The following ZFAND3 variants were observed in gnomAD, a reference collection of about 807,000 sequenced individuals.
ZFAND3 encodes AN1-type zinc finger protein 3.
ZFAND3 carries 10 observed loss-of-function variants against 29.6 expected under a neutral mutation model. That is an observed-to-expected ratio of 0.34 (90% CI 0.21 to 0.57). ZFAND3 has a LOEUF of 0.57. Ranked by LOEUF, ZFAND3 falls within the 20% of genes least tolerant of loss-of-function variation. The pLI is 0.86. For missense variants in ZFAND3, 230 were observed against 304.5 expected (o/e 0.76, Z 1.82); for synonymous variants, 128 against 112.6 (o/e 1.14, Z -0.87).
chr6:37,921,443 A>G (rs1024820405), intron 1 of ZFAND3, among the ~76,000 whole-genome samples: 1 of 151,810 alleles, frequency 6.6e-6, no homozygotes, highest in African/African-American at 2.4e-5. Context: ...AAAAAAAAAA[A>G]GTTGTTGAGG....
intron 2 of ZFAND3, among the ~76,000 whole-genome samples, chr6:37,931,052 TGGTGATTA>T (rs1257625018): frequency 7.2e-5 from 11 of 152,288 alleles, no homozygotes; most frequent in African/African-American, 2.6e-4. Flanking sequence ...TGGTAAAATA[TGGTGATTA>T]GGCCAGCTGT....
At chr6:37,932,156 C>G (rs1489919676) in intron 2 of ZFAND3, among the ~76,000 whole-genome samples, 1 of 151,998 alleles carries the variant, frequency 6.6e-6, no homozygotes, top group African/African-American at 2.4e-5. Context: ...GTAATCCCAG[C>G]TACTCGGGAG....
chr6:38,031,117 C>A (rs1291898364), intron 2 of ZFAND3, among the ~76,000 whole-genome samples: 1 of 152,156 alleles, frequency 6.6e-6, no homozygotes, highest in Non-Finnish European at 1.5e-5. Flanking sequence ...GGACCCAGGT[C>A]TTTCTGTATC....
chr6:38,063,078 CT>C (rs1286295167), intron 3 of ZFAND3, among the ~76,000 whole-genome samples: 1 of 151,850 alleles, frequency 6.6e-6, no homozygotes. Context: ...GAGACCTGGC[CT>C]TTTTTTTCTT....
At chr6:37,864,738 TACACACAC>T (rs70977698) in intron 1 of ZFAND3, among the ~76,000 whole-genome samples, 2,899 of 148,936 alleles carry the variant, frequency 0.019, 66 homozygotes, top group African/African-American at 0.054. Flanking sequence ...TATGTGGTTA[TACACACAC>T]ACACACACAC....
chr6:37,967,792 T>A lies in ZFAND3; in HGVS notation c.112+37793T>A, dbSNP rs566219467. ...TGCCAACCTCCCATCTTTGACACTA[T>A]TTTCTCCCCTTCATGGATGTCCTGT... On this transcript the variant is annotated intron_variant, in intron 2 of 5. Coordinates refer to ENST00000287218, the MANE Select transcript of ZFAND3 (RefSeq NM_021943.3). Among the ~76,000 whole-genome samples the A allele has an allele frequency of 2.6e-5, 4 of 152,290 alleles. No individual in the cohort carries two copies. The South Asian group carries it at 8.3e-4, about 32-fold the overall frequency.
intron 1 of ZFAND3, among the ~76,000 whole-genome samples, chr6:37,926,463 T>G (rs935404824): frequency 6.6e-6 from 1 of 152,142 alleles, no homozygotes; most frequent in African/African-American, 2.4e-5. Context: ...ATGTGGCTGT[T>G]TACTTTGGGT....
intron 2 of ZFAND3, among the ~76,000 whole-genome samples, chr6:37,931,861 G>A (rs868116858): frequency 6.6e-6 from 1 of 152,158 alleles, no homozygotes; most frequent in Non-Finnish European, 1.5e-5. Context: ...AATTGGGGAA[G>A]CTGACAGCTT....
At chr6:37,997,024 C>G (rs950643693) in intron 2 of ZFAND3, among the ~76,000 whole-genome samples, 3 of 152,136 alleles carry the variant, frequency 2.0e-5, no homozygotes, top group Non-Finnish European at 2.9e-5. Flanking sequence ...CACATGTACT[C>G]TAGAACTTCA....
At chr6:37,839,517 G>A (rs543842594) in intron 1 of ZFAND3, among the ~76,000 whole-genome samples, 1 of 102,028 alleles carries the variant, frequency 9.8e-6, no homozygotes, top group South Asian at 3.0e-4. Flanking sequence ...TGTTGTTGTT[G>A]TTTTGTTTTT....
rs1764870946 is a variant in ZFAND3 at position 38,091,546 on chromosome 6, A to G, written c.361+9089A>G. Among the ~76,000 whole-genome samples the G allele has an allele frequency of 3.1e-5, 4 of 130,776 alleles. No individual in the cohort carries two copies. In the South Asian group the frequency reaches 7.0e-4, roughly 23 times the overall value. The allele number at this position is 130,776 out of a possible 152,430, so 85.8% of individuals were successfully genotyped here. A position where few individuals can be genotyped will look rare whatever the true frequency, so the allele number is the denominator to read the frequency against. ...GGGAGTGCCTTTCAGGTGCTGCTCC[A>G]TAGCATGTGTGTGCCTGTTAGAAGG... On this transcript the variant is annotated intron_variant, in intron 4 of 5. Transcript: ENST00000287218.
chr6:38,153,013 C>A lies in ZFAND3; in HGVS notation c.*624C>A. On this transcript the variant is annotated 3_prime_UTR_variant, in exon 6 of 6. Coordinates refer to ENST00000287218, the MANE Select transcript of ZFAND3 (RefSeq NM_021943.3). ...TTACCTGACTTGCTATGAAAAAACTCATCACACAAGAAGAGAAACAGTAAC... is the reference window on the plus strand; with the variant it reads ...TTACCTGACTTGCTATGAAAAAACTAATCACACAAGAAGAGAAACAGTAAC... The A allele has an allele frequency of 1.0e-6, 1 of 985,884 alleles. No individual in the cohort carries two copies. The highest frequency in any genetic ancestry group is 1.2e-6 in the Non-Finnish European group (1 of 829,978). 61.1% of individuals were successfully genotyped at this position (985,884 alleles called of 1,614,324 possible).
intron 2 of ZFAND3, among the ~76,000 whole-genome samples, chr6:37,974,634 G>A (rs912634003): frequency 6.6e-6 from 1 of 152,182 alleles, no homozygotes; most frequent in East Asian, 1.9e-4. Flanking sequence ...GGGCTCAAGC[G>A]ATTGTCCCAC....
intron 5 of ZFAND3, among the ~76,000 whole-genome samples, chr6:38,121,539 T>C (rs1477877413): frequency 6.6e-6 from 1 of 152,248 alleles, no homozygotes; most frequent in Non-Finnish European, 1.5e-5. Flanking sequence ...CCTTTCTGTT[T>C]TTTTATGATA....
chr6:37,912,030 C>CTGTGTGTGTGTGTGTGTGTG (rs59017250), intron 1 of ZFAND3, among the ~76,000 whole-genome samples: 3 of 139,706 alleles, frequency 2.1e-5, no homozygotes, highest in Non-Finnish European at 3.1e-5. Context: ...AGTCTTTTAT[C>CTGTGTGTGTGTGTGTGTGTG]TGTGTGTGTG....
chr6:37,983,343 C>CTTTTTTTTTTTTTTTTTTTTTT lies in ZFAND3; in HGVS notation c.112+53353_112+53374dup, dbSNP rs70981516. Among the ~76,000 whole-genome samples, 5 of 50,046 alleles carry CTTTTTTTTTTTTTTTTTTTTTT rather than the reference C, an allele frequency of 1.0e-4. 1 individual carries two copies. Among genetic ancestry groups the CTTTTTTTTTTTTTTTTTTTTTT allele is most frequent in the Admixed American group, 3.6e-4 (1 of 2,798 alleles). 32.8% of individuals were successfully genotyped at this position (50,046 alleles called of 152,430 possible). The stretch of plus-strand genomic sequence containing the variant: ...CCTATACAGGTGTACCAGTTTTTAT[C>CTTTTTTTTTTTTTTTTTTTTTT]TTTTTTTTTTTTTTTTTTTTTTTTT... On this transcript the variant is annotated intron_variant, in intron 2 of 5. Transcript: ENST00000287218.
chr6:37,829,062 ATTGT>A (rs1763812107), intron 1 of ZFAND3, among the ~76,000 whole-genome samples: 1 of 152,154 alleles, frequency 6.6e-6, no homozygotes, highest in Admixed American at 6.5e-5. Flanking sequence ...AAATTTTTAC[ATTGT>A]TTAACTTTAC....
At chr6:38,071,298 A>C (rs1764450276) in intron 3 of ZFAND3, among the ~76,000 whole-genome samples, 1 of 152,030 alleles carries the variant, frequency 6.6e-6, no homozygotes, top group Admixed American at 6.5e-5. Context: ...TGAATCGTAG[A>C]GTTATAAAAA....
At chr6:37,993,256 A>G (rs2127436325) in intron 2 of ZFAND3, among the ~76,000 whole-genome samples, 1 of 152,300 alleles carries the variant, frequency 6.6e-6, no homozygotes, top group East Asian at 1.9e-4. Flanking sequence ...TGATGAAACC[A>G]TAGAGCTAAA....
Sources: gnomAD v4.1 joint callset for allele counts (sites outside exome capture counted in the v4.1 genomes callset) on GRCh38, gnomAD v4.1.1 for gene constraint, MANE v1.5 for transcripts, NCBI Gene and HGNC (gene_info 2026-07-23, HGNC 2026-07-21) for gene names.